KCNMA1: variants seen among roughly 807,000 people sequenced by gnomAD.
KCNMA1 encodes the protein Calcium-activated potassium channel subunit alpha-1.
A neutral mutation model predicts 140.0 loss-of-function variants in KCNMA1; 29 were observed. The observed-to-expected ratio is 0.21, with a 90% CI of 0.15 to 0.28. The LOEUF (loss-of-function observed/expected upper bound fraction) is 0.28. Ranked by LOEUF, KCNMA1 falls within the 10% of genes least tolerant of loss-of-function variation. The pLI is 1.00. For synonymous variants in KCNMA1, 612 were observed against 611.9 expected, an observed-to-expected ratio of 1.00 and a Z score of 0.00; for missense variants, 880 against 1,602.2, an observed-to-expected ratio of 0.55 and a Z score of 7.70.
intron 1 of KCNMA1, among the ~76,000 whole-genome samples, chr10:77,533,547 A>G (rs1224140061): frequency 6.6e-6 from 1 of 152,038 alleles, no homozygotes; most frequent in East Asian, 1.9e-4. Flanking sequence ...GAGTACAGGG[A>G]CCAGTCTTTC....
Position 76,885,870 on chromosome 10 carries a change from C to G in KCNMA1, c.*1396G>C. On this transcript the variant is annotated 3_prime_UTR_variant, in exon 28 of 28. Coordinates refer to ENST00000286628, the MANE Select transcript of KCNMA1 (RefSeq NM_001161352.2). ...AGAAAACAAAAGAAGAAAAAAATAA[C>G]TATACCAAAATGTGTTTGGCTCACT... is the stretch of plus-strand genomic sequence containing the variant. 1.0e-6 allele frequency: 1 copy of G among 985,206 alleles called. No individual in the cohort carries two copies. Among genetic ancestry groups the G allele is most frequent in the Non-Finnish European group, 1.2e-6 (1 of 829,730 alleles). The allele number at this position is 985,206 out of a possible 1,614,324, so 61.0% of individuals were successfully genotyped here. A position where few individuals can be genotyped will look rare whatever the true frequency, so the allele number is the denominator to read the frequency against.
intron 1 of KCNMA1, among the ~76,000 whole-genome samples, chr10:77,616,411 T>A (rs1383540924): frequency 2.6e-5 from 4 of 152,208 alleles, no homozygotes; most frequent in Admixed American, 6.5e-5. Context: ...TCCTAGCCCT[T>A]GGTTTGTAGC....
chr10:76,910,771 C>G (rs1344687364), intron 24 of KCNMA1: 2 of 158,380 alleles, frequency 1.3e-5, no homozygotes, highest in African/African-American at 2.4e-5. Context: ...ATGGGGACGC[C>G]CACGTTCTCC....
chr10:76,947,805 C>T (rs2064654863), intron 22 of KCNMA1, among the ~76,000 whole-genome samples: 1 of 152,148 alleles, frequency 6.6e-6, no homozygotes, highest in South Asian at 2.1e-4. Context: ...CACATGGTGG[C>T]ATCTAATGAG....
intron 2 of KCNMA1, among the ~76,000 whole-genome samples, chr10:77,393,493 T>C (rs1261125360): frequency 6.6e-6 from 1 of 152,214 alleles, no homozygotes; most frequent in Non-Finnish European, 1.5e-5. Context: ...ACTATTATTG[T>C]CCCCATTTTG....
At chr10:77,027,677 G>A (rs1329446542) in intron 16 of KCNMA1, 146 bp downstream of exon 16, 6 of 766,316 alleles carry the variant, frequency 7.8e-6, no homozygotes, top group African/African-American at 5.1e-5. Flanking sequence ...GGCATGCCTC[G>A]AAATGTGCTC....
At chr10:77,391,624 G>A (rs1603459350) in intron 2 of KCNMA1, among the ~76,000 whole-genome samples, 1 of 151,512 alleles carries the variant, frequency 6.6e-6, no homozygotes, top group African/African-American at 2.4e-5. Flanking sequence ...TTGTTTGTTT[G>A]TTTGTTTGTT....
chr10:76,930,417 A>G (rs1591047876), intron 23 of KCNMA1, among the ~76,000 whole-genome samples: 1 of 152,228 alleles, frequency 6.6e-6, no homozygotes, highest in Non-Finnish European at 1.5e-5. Context: ...GCAAATCACA[A>G]TAAGATATCA....
Position 77,305,012 on chromosome 10 carries a change from G to T in KCNMA1, c.541-53756C>A, listed in dbSNP as rs568376692. Among the ~76,000 whole-genome samples the T allele has an allele frequency of 2.6e-5, 4 of 152,316 alleles. No homozygotes were observed. The East Asian group carries it at 5.8e-4, about 22-fold the overall frequency. ...TGGAGAGCTTGTTAAAATTTTGACT[G>T]CTGGGCCAAGAGAGCTGGGGCTGAA... On this transcript the variant is annotated intron_variant, in intron 2 of 27. Transcript: ENST00000286628.
At chr10:77,366,772 A>T (rs42453) in intron 2 of KCNMA1, among the ~76,000 whole-genome samples, 5 of 152,112 alleles carry the variant, frequency 3.3e-5, no homozygotes, top group South Asian at 4.1e-4. Flanking sequence ...TGGAGTGGGC[A>T]GCACAGATTG....
intron 19 of KCNMA1, among the ~76,000 whole-genome samples, chr10:76,975,977 ATCTCAAACATATACACC>A (rs758936457): frequency 1.4e-4 from 21 of 152,284 alleles, no homozygotes; most frequent in Admixed American, 8.5e-4. Flanking sequence ...CGATCATAAT[ATCTCAAACATATACACC>A]TCTCTAAAAT....
intron 1 of KCNMA1, among the ~76,000 whole-genome samples, chr10:77,616,432 C>T (rs993520708): frequency 2.0e-5 from 3 of 152,208 alleles, no homozygotes; most frequent in Non-Finnish European, 4.4e-5. Context: ...AAGTGCTACC[C>T]TCAGCATTTA....
chr10:77,407,255 C>A (rs2096498223), intron 1 of KCNMA1, among the ~76,000 whole-genome samples: 1 of 152,158 alleles, frequency 6.6e-6, no homozygotes, highest in South Asian at 2.1e-4. Flanking sequence ...ACCAGGCTAG[C>A]CACAGATCTT....
intron 19 of KCNMA1, among the ~76,000 whole-genome samples, chr10:76,972,614 T>C (rs2076387622): frequency 6.6e-6 from 1 of 152,216 alleles, no homozygotes; most frequent in South Asian, 2.1e-4. Context: ...GCAAAGAAAC[T>C]ATTTATTTTC....
Position 76,938,212 on chromosome 10 carries a change from G to A in KCNMA1, c.2902+6561C>T, listed in dbSNP as rs577811219. On this transcript the variant is annotated intron_variant, in intron 23 of 27. Transcript: ENST00000286628. ...AGATTGCTAGAAGCAAACTTTTCCT[G>A]GATTAAGGACTTCATTTCCACCCTT... is the stretch of plus-strand genomic sequence containing the variant. 2.0e-5 allele frequency among the ~76,000 whole-genome samples: 3 copies of A among 152,128 alleles called. No homozygotes were observed. In the South Asian group the frequency reaches 6.2e-4, roughly 32 times the overall value.
intron 1 of KCNMA1, among the ~76,000 whole-genome samples, chr10:77,577,343 C>T (rs746052439): frequency 1.3e-5 from 2 of 152,084 alleles, no homozygotes; most frequent in Non-Finnish European, 2.9e-5. Flanking sequence ...CCACCACGCC[C>T]GGCTCACACT....
intron 23 of KCNMA1, among the ~76,000 whole-genome samples, chr10:76,928,236 A>G (rs2058272703): frequency 6.6e-6 from 1 of 151,780 alleles, no homozygotes; most frequent in East Asian, 1.9e-4. Flanking sequence ...AAGCACCAGA[A>G]TTATTTATTC....
chr10:76,963,635 T>C (rs1216957097), intron 20 of KCNMA1, among the ~76,000 whole-genome samples: 1 of 152,170 alleles, frequency 6.6e-6, no homozygotes, highest in Non-Finnish European at 1.5e-5. Context: ...TCTGTGGAAC[T>C]CGAGGCATTG....
chr10:77,257,629 A>G (rs507278), intron 2 of KCNMA1, among the ~76,000 whole-genome samples: 1 of 152,166 alleles, frequency 6.6e-6, no homozygotes, highest in Non-Finnish European at 1.5e-5. Flanking sequence ...TCCCCACCCA[A>G]ATCTTATCTT....
Sources: allele counts gnomAD v4.1 joint callset (sites outside exome capture counted in the v4.1 genomes callset), GRCh38; gene constraint gnomAD v4.1.1; transcripts MANE v1.5; gene names NCBI Gene and HGNC (gene_info 2026-07-23, HGNC 2026-07-21).